The following CCDC40 variants were observed in gnomAD, a reference collection of about 807,000 sequenced individuals.
CCDC40 encodes the protein coiled-coil domain-containing protein 40.
CCDC40 carries 104 observed loss-of-function variants against 124.5 expected under a neutral mutation model. The observed-to-expected ratio is 0.84, with a 90% CI of 0.71 to 0.98. CCDC40 has a LOEUF of 0.98. Ranked by LOEUF, CCDC40 falls within the 50% of genes least tolerant of loss-of-function variation. The pLI is 0.00. For missense variants in CCDC40, 1,463 were observed against 1,503.9 expected, an observed-to-expected ratio of 0.97 and a Z score of 0.45; for synonymous variants, 580 against 602.9, an observed-to-expected ratio of 0.96 and a Z score of 0.56.
rs756519570 is a variant in CCDC40, at chr17:80,048,797, A to G, written c.855+36A>G. 4.5e-6 allele frequency: 7 copies of G among 1,555,342 alleles called. No individual in the cohort carries two copies. In the East Asian group the frequency reaches 7.1e-5, roughly 16 times the overall value. ...CTTCCCAGGTTTTGCTTTTGCCTACATGGATGGCGAATGACTCAGGCCCCT... is the reference window on the plus strand; with the variant it reads ...CTTCCCAGGTTTTGCTTTTGCCTACGTGGATGGCGAATGACTCAGGCCCCT... On this transcript the variant is annotated intron_variant, in intron 5 of 19. Transcript: ENST00000397545.
rs368398257 is a variant in CCDC40, at chr17:80,088,043, C to G, written c.2652C>G (p.Asp884Glu). 1.5e-5 allele frequency: 25 copies of G among 1,613,622 alleles called. No individual in the cohort carries two copies. In the East Asian group the frequency reaches 1.8e-4, roughly 12 times the overall value. ...ASERETIKMQDKLNQLSEEKA... is the reference protein window; with the variant it reads ...ASERETIKMQEKLNQLSEEKA... ...AGAGGGAGACCATCAAGATGCAGGA[C>G]AAGCTGAACCAGCTCAGCGAGGAGA... Residue 884 changes from aspartate (D) to glutamate (E), a missense_variant, in exon 16 of 20, where the codon GAC becomes GAG. Asp to Glu is a conservative substitution (Grantham distance 45, BLOSUM62 2). Transcript: ENST00000397545.
Position 80,060,400 on chromosome 17 carries a change from A to T in CCDC40, c.1440+1420A>T, listed in dbSNP as rs1323252421. 4.6e-5 allele frequency among the ~76,000 whole-genome samples: 7 copies of T among 152,060 alleles called. 1 individual carries two copies. The highest frequency in any genetic ancestry group is 1.7e-4 in the African/African-American group (7 of 41,392). Reference sequence around the variant, plus strand: ...TCCACAAAAAAATAATAATTAAAAAAAAATAAAACATTAGCCCACCATGGT... The same window carrying T: ...TCCACAAAAAAATAATAATTAAAAATAAATAAAACATTAGCCCACCATGGT... On this transcript the variant is annotated intron_variant, in intron 9 of 19. Coordinates refer to ENST00000397545, the MANE Select transcript of CCDC40 (RefSeq NM_017950.4).
chr17:80,054,695 C>T (rs913741049), intron 7 of CCDC40, among the ~76,000 whole-genome samples: 2 of 152,136 alleles, frequency 1.3e-5, no homozygotes, highest in East Asian at 3.8e-4. Context: ...GAATGGAGGC[C>T]GGATGTGGTG....
chr17:80,056,218 ATCTCTC>A (rs370757330), intron 7 of CCDC40, among the ~76,000 whole-genome samples: 1 of 149,046 alleles, frequency 6.7e-6, no homozygotes, highest in Non-Finnish European at 1.5e-5. Flanking sequence ...GTGTATGTGT[ATCTCTC>A]TCTCTCTCTT....
intron 10 of CCDC40, among the ~76,000 whole-genome samples, chr17:80,077,814 G>A (rs764772212): frequency 9.9e-5 from 15 of 152,182 alleles, no homozygotes; most frequent in Non-Finnish European, 1.6e-4. Context: ...TCATTTTTCC[G>A]CTGAGTGGCT....
Position 80,094,180 on chromosome 17 carries a change from G to A in CCDC40, c.2833-1083G>A, listed in dbSNP as rs868716785. 4.0e-5 allele frequency among the ~76,000 whole-genome samples: 6 copies of A among 151,754 alleles called. No individual in the cohort carries two copies. In the South Asian group the frequency reaches 1.2e-3, roughly 32 times the overall value. ...TAATCCTAGCACTTTGGGAGGCCGAGGCGGGTGGATCACTTGAGGTCAGTT... is the reference window on the plus strand; with the variant it reads ...TAATCCTAGCACTTTGGGAGGCCGAAGCGGGTGGATCACTTGAGGTCAGTT... On this transcript the variant is annotated intron_variant, in intron 17 of 19. Coordinates refer to ENST00000397545, the MANE Select transcript of CCDC40 (RefSeq NM_017950.4).
At position 80,097,361 on chromosome 17, in the gene CCDC40, A is replaced by T. The variant is rs1348288263; in HGVS notation, c.3138A>T (p.Thr1046=). The T allele has an allele frequency of 1.9e-6, 3 of 1,613,728 alleles. No homozygotes were observed. The highest frequency in any genetic ancestry group is 2.7e-5 in the African/African-American group (2 of 74,880). Residue 1046 remains threonine (T), a synonymous_variant, in exon 19 of 20, where the codon ACA becomes ACT. Coordinates refer to ENST00000397545, the MANE Select transcript of CCDC40 (RefSeq NM_017950.4). ...KLSVIQADFD[T]LEADLTRLGA... ...CGGTGATTCAGGCAGACTTCGACAC[A>T]CTCGAGGCCGACCTCACCCGGCTTG... is the stretch of plus-strand genomic sequence containing the variant.
intron 2 of CCDC40, among the ~76,000 whole-genome samples, chr17:80,038,843 T>A (rs551207314): frequency 3.9e-5 from 6 of 152,058 alleles, no homozygotes; most frequent in South Asian, 2.1e-4. Context: ...TAAATAAAAT[T>A]AAATTAAAAA....
intron 1 of CCDC40, 62 bp from the exon 2 acceptor site, chr17:80,038,061 G>A (rs2037175209): frequency 2.7e-6 from 3 of 1,104,108 alleles, no homozygotes; most frequent in African/African-American, 3.1e-5. Context: ...TTCAGGAGGG[G>A]ATAAGGACCA....
intron 13 of CCDC40, 28 bp downstream of exon 13, chr17:80,085,016 C>T: frequency 1.9e-6 from 3 of 1,611,006 alleles, no homozygotes; most frequent in Non-Finnish European, 2.5e-6. Context: ...GAGACGTGGT[C>T]CCCGGCTGAC....
At chr17:80,050,980 T>A (rs1416733354) in intron 7 of CCDC40, among the ~76,000 whole-genome samples, 1 of 152,158 alleles carries the variant, frequency 6.6e-6, no homozygotes, top group Non-Finnish European at 1.5e-5. Context: ...CCGTAGGATG[T>A]GTGCGGCAGG....
At position 80,081,095 on chromosome 17, in the gene CCDC40, G is replaced by T. The variant is rs2038436031; in HGVS notation, c.1563-451G>T. 2.0e-5 allele frequency among the ~76,000 whole-genome samples: 3 copies of T among 152,084 alleles called. No homozygotes were observed. In the South Asian group the frequency reaches 6.2e-4, roughly 32 times the overall value. ...GATTTGGCTGCTATTAAAAGAGTTG[G>T]TTTCCTGCTGGGTGCAGCGGCTCAC... On this transcript the variant is annotated intron_variant, in intron 10 of 19. Transcript: ENST00000397545.
intron 5 of CCDC40, 117 bp from the exon 6 acceptor site, chr17:80,049,789 C>G: frequency 1.2e-6 from 1 of 804,808 alleles, no homozygotes; most frequent in South Asian, 1.4e-5. Flanking sequence ...GGGAGCACTC[C>G]ACACGGAAGT....
chr17:80,065,392 G>A, intron 9 of CCDC40, 93 bp from the exon 10 acceptor site: 1 of 1,530,092 alleles, frequency 6.5e-7, no homozygotes, highest in Middle Eastern at 1.7e-4. Context: ...AGGAAAAGAG[G>A]AAGATTTGGG....
chr17:80,058,831 G>C lies in CCDC40; in HGVS notation c.1318-27G>C, dbSNP rs374917684. 1 of 1,613,868 alleles carries C rather than the reference G, an allele frequency of 6.2e-7. No homozygotes were observed. Among genetic ancestry groups the C allele is most frequent in the Non-Finnish European group, 8.5e-7 (1 of 1,180,022 alleles). ...CCCTCAGCCACGGGCACCTCCTGAC[G>C]GGGCTGCTTCTCATCCTGTTTCCCA... On this transcript the variant is annotated intron_variant, in intron 8 of 19. Coordinates refer to ENST00000397545, the MANE Select transcript of CCDC40 (RefSeq NM_017950.4). This position sits in a 1 kb window ranked among gnomAD's most constrained non-coding sequence, Gnocchi z 4.2.
At chr17:80,095,782 C>T (rs1170127751) in intron 18 of CCDC40, among the ~76,000 whole-genome samples, 1 of 152,240 alleles carries the variant, frequency 6.6e-6, no homozygotes, top group Non-Finnish European at 1.5e-5. Context: ...GCTGCTGACA[C>T]CCAGAGACGG....
chr17:80,076,040 C>T (rs2038303006), intron 10 of CCDC40, among the ~76,000 whole-genome samples: 1 of 152,170 alleles, frequency 6.6e-6, no homozygotes. Flanking sequence ...GAGGTGGAAT[C>T]TGCTCCTGTG....
Position 80,090,245 on chromosome 17 carries a change from GAA to G in CCDC40, c.2832+362_2832+363del. On this transcript the variant is annotated intron_variant, in intron 17 of 19. Transcript: ENST00000397545. ...ACGGGACGCGCGCAGGCACGTGCAC[GAA>G]CAACACGGGACGCGCGCGGGCACGT... 2.3e-6 allele frequency: 2 copies of G among 870,926 alleles called. 1 individual carries two copies. The highest frequency in any genetic ancestry group is 3.3e-6 in the Non-Finnish European group (2 of 603,684). The allele number at this position is 870,926 out of a possible 1,614,324, so 53.9% of individuals were successfully genotyped here. A position where few individuals can be genotyped will look rare whatever the true frequency, so the allele number is the denominator to read the frequency against.
chr17:80,063,532 G>A (rs955019182), intron 9 of CCDC40, among the ~76,000 whole-genome samples: 1 of 152,164 alleles, frequency 6.6e-6, no homozygotes, highest in Non-Finnish European at 1.5e-5. Context: ...CATCCTGGCT[G>A]AATTTGGGTC....
Sources: allele counts gnomAD v4.1 joint callset (sites outside exome capture counted in the v4.1 genomes callset), GRCh38; gene constraint gnomAD v4.1.1; non-coding constraint Gnocchi (gnomAD v3.1); transcripts MANE v1.5; gene names NCBI Gene and HGNC (gene_info 2026-07-23, HGNC 2026-07-21).